The following CCDC27 variants were observed in gnomAD, a reference collection of about 807,000 sequenced individuals.
The protein encoded by CCDC27 is coiled-coil domain containing 27.
Under a neutral mutation model 80.3 loss-of-function variants are expected in CCDC27, and 80 were observed. That is an observed-to-expected ratio of 1.00 (90% CI 0.83 to 1.20). CCDC27 has a LOEUF of 1.20. Among genes scored for constraint, CCDC27 ranks in the 50% most tolerant of loss-of-function variants. The pLI, the probability that CCDC27 is intolerant of heterozygous loss-of-function variation, is 0.00. For missense variants in CCDC27, 815 were observed against 809.4 expected (o/e 1.01, Z -0.08); for synonymous variants, 342 against 334.3 (o/e 1.02, Z -0.25).
intron 4 of CCDC27, among the ~76,000 whole-genome samples, chr1:3,758,033 G>A (rs1473773637): frequency 6.6e-6 from 1 of 152,120 alleles, no homozygotes; most frequent in Non-Finnish European, 1.5e-5. Flanking sequence ...GTGATTAGGG[G>A]TGTGAGCCAC....
chr1:3,763,837 G>C lies in CCDC27; in HGVS notation c.1452+1G>C. 1 of 1,613,894 alleles carries C rather than the reference G, an allele frequency of 6.2e-7. No homozygotes were observed. The highest frequency in any genetic ancestry group is 8.5e-7 in the Non-Finnish European group (1 of 1,179,912). On this transcript the variant is annotated splice_donor_variant, in intron 8 of 11. Coordinates refer to ENST00000294600, the MANE Select transcript of CCDC27 (RefSeq NM_152492.3). LOFTEE classifies it high-confidence loss of function. The surrounding 1 kb of genome is among the most constrained non-coding windows in gnomAD (Gnocchi z 7.5). Reference sequence around the variant, plus strand: ...GCAGCTACAAGCCATGACCGACAAGGTGGCCGTGCGCTCAGTACCGGCCTC... The same window carrying C: ...GCAGCTACAAGCCATGACCGACAAGCTGGCCGTGCGCTCAGTACCGGCCTC...
rs1432885458 is a variant in CCDC27 at position 3,757,887 on chromosome 1, A to C, written c.711+997A>C. On this transcript the variant is annotated intron_variant, in intron 4 of 11. Transcript: ENST00000294600. The stretch of plus-strand genomic sequence containing the variant: ...CAGTGTGCTGAGATCGCGCCACTGC[A>C]CTCCAGCCTGGGTGACAGAGTGAGA... Among the ~76,000 whole-genome samples, 22 of 147,634 alleles carry C rather than the reference A, an allele frequency of 1.5e-4. No homozygotes were observed. The Admixed American group carries it at 1.5e-3, about 10-fold the overall frequency.
At position 3,767,293 on chromosome 1, in the gene CCDC27, A is replaced by G; in HGVS notation, c.1591A>G (p.Thr531Ala). Reference sequence around the variant, plus strand: ...GGACTGTGTCATCTCAGAGTTGGACACCAAGGTCAGCCAGCTGCAGGAGCA... The same window carrying G: ...GGACTGTGTCATCTCAGAGTTGGACGCCAAGGTCAGCCAGCTGCAGGAGCA... ...KRDCVISELD[T>A]KVSQLQEQVE... Residue 531 changes from threonine to alanine, a missense_variant, in exon 10 of 12, where the codon ACC becomes GCC. Coordinates refer to ENST00000294600, the MANE Select transcript of CCDC27 (RefSeq NM_152492.3). The G allele has an allele frequency of 3.7e-6, 6 of 1,614,090 alleles. No individual in the cohort carries two copies. The highest frequency in any genetic ancestry group is 5.1e-6 in the Non-Finnish European group (6 of 1,180,032).
rs753168734 is a variant in CCDC27 at position 3,755,474 on chromosome 1, G to A, written c.460G>A (p.Asp154Asn). 6.8e-6 allele frequency: 11 copies of A among 1,614,016 alleles called. No individual in the cohort carries two copies. Among genetic ancestry groups the A allele is most frequent in the African/African-American group, 5.3e-5 (4 of 74,942 alleles). ...MSHCGSPTEADLSGEIDNSSE... is the reference protein window; with the variant it reads ...MSHCGSPTEANLSGEIDNSSE... ...CTCTACAGGTTCACCCACTGAGGCCGATTTGTCCGGAGAGATTGACAACAG... is the reference window on the plus strand; with the variant it reads ...CTCTACAGGTTCACCCACTGAGGCCAATTTGTCCGGAGAGATTGACAACAG... Residue 154 changes from aspartate (D) to asparagine (N), a missense_variant, in exon 3 of 12, where the codon GAT (aspartate) becomes AAT (asparagine). Transcript: ENST00000294600.
chr1:3,759,211 T>C (rs903528299), intron 4 of CCDC27, among the ~76,000 whole-genome samples: 1 of 144,408 alleles, frequency 6.9e-6, no homozygotes, highest in African/African-American at 2.6e-5. Context: ...TGCAAGACTT[T>C]GTCTCAAAAA....
rs934267840 is a variant in CCDC27 at position 3,768,120 on chromosome 1, G to A, written c.1743+675G>A. ...TTTTTTTTTTTTTTTTCTGAGACAG[G>A]GTCTTTCTCTGTCATCCAGTCTGGA... is the stretch of plus-strand genomic sequence containing the variant. On this transcript the variant is annotated intron_variant, in intron 10 of 11. Coordinates refer to ENST00000294600, the MANE Select transcript of CCDC27 (RefSeq NM_152492.3). The surrounding 1 kb of genome is among the most constrained non-coding windows in gnomAD (Gnocchi z 5.6). Among the ~76,000 whole-genome samples, 4 of 147,612 alleles carry A rather than the reference G, an allele frequency of 2.7e-5. No individual in the cohort carries two copies. Among genetic ancestry groups the A allele is most frequent in the Admixed American group, 2.7e-4 (4 of 14,870 alleles).
Position 3,756,863 on chromosome 1 carries a change from C to G in CCDC27, c.684C>G (p.Pro228=). 1 of 1,613,478 alleles carries G rather than the reference C, an allele frequency of 6.2e-7. No individual in the cohort carries two copies. Among genetic ancestry groups the G allele is most frequent in the Non-Finnish European group, 8.5e-7 (1 of 1,179,900 alleles). ...ASQSCLRKRM[P]WYLSVIHEKD... is the part of the protein sequence containing the mutation. ...AGAGCTGCCTGAGAAAGAGGATGCC[C>G]TGGTACCTCTCAGTCATCCACGAGA... The change falls in exon 4 of 12, where the codon CCC becomes CCG. Residue 228 remains proline, a synonymous_variant. Coordinates refer to ENST00000294600, the MANE Select transcript of CCDC27 (RefSeq NM_152492.3).
chr1:3,767,542 G>T (rs530817077), intron 10 of CCDC27, 97 bp downstream of exon 10: 56 of 1,079,048 alleles, frequency 5.2e-5, no homozygotes, highest in Non-Finnish European at 6.8e-5. Context: ...ACCGGGGTCT[G>T]TGTACGCTGG....
chr1:3,761,550 G>T lies in CCDC27; in HGVS notation c.861+120G>T, dbSNP rs927950654. The stretch of plus-strand genomic sequence containing the variant: ...CCCCAGGCCCCCTGGATCCTATCAG[G>T]TCCTCACTGGAACGTGGACCGGTTC... On this transcript the variant is annotated intron_variant, in intron 5 of 11. Transcript: ENST00000294600. This position sits in a 1 kb window ranked among gnomAD's most constrained non-coding sequence, Gnocchi z 5.0. 2 of 1,176,090 alleles carry T rather than the reference G, an allele frequency of 1.7e-6. No homozygotes were observed. Among genetic ancestry groups the T allele is most frequent in the African/African-American group, 1.6e-5 (1 of 64,136 alleles). The allele number at this position is 1,176,090 out of a possible 1,614,324, so 72.9% of individuals were successfully genotyped here. A position where few individuals can be genotyped will look rare whatever the true frequency, so the allele number is the denominator to read the frequency against.
At position 3,761,136 on chromosome 1, in the gene CCDC27, A is replaced by C; in HGVS notation, c.712-145A>C. 2 of 861,226 alleles carry C rather than the reference A, an allele frequency of 2.3e-6. No homozygotes were observed. The highest frequency in any genetic ancestry group is 3.6e-6 in the Non-Finnish European group (2 of 554,256). 53.3% of individuals were successfully genotyped at this position (861,226 alleles called of 1,614,324 possible). On this transcript the variant is annotated intron_variant, in intron 4 of 11. Coordinates refer to ENST00000294600, the MANE Select transcript of CCDC27 (RefSeq NM_152492.3). The surrounding 1 kb of genome is among the most constrained non-coding windows in gnomAD (Gnocchi z 5.0). The stretch of plus-strand genomic sequence containing the variant: ...ATGTGTAGTGCTAGCTCTTTACCGC[A>C]GTACCTATCTTGAAATCCCTGGGAC...
intron 1 of CCDC27, 61 bp downstream of exon 1, chr1:3,752,860 C>A: frequency 6.6e-7 from 1 of 1,520,734 alleles, no homozygotes; most frequent in East Asian, 2.3e-5. Context: ...CTTCTCCTCC[C>A]CAAAGGCCCA....
chr1:3,770,613 C>T (rs1207735354), intron 11 of CCDC27, among the ~76,000 whole-genome samples: 2 of 152,208 alleles, frequency 1.3e-5, no homozygotes, highest in African/African-American at 4.8e-5. Flanking sequence ...CTTTTGTTCC[C>T]AAGACCCACA....
Position 3,754,221 on chromosome 1 carries a change from C to T in CCDC27, c.422C>T (p.Ala141Val), listed in dbSNP as rs1642898105. The change falls in exon 2 of 12, where the codon GCC (alanine) becomes GTC (valine). Residue 141 changes from alanine to valine, a missense_variant. Transcript: ENST00000294600. Reference sequence around the variant, plus strand: ...GACTGCCCCCAGTTCAGCACCAGGGCCACATCCATGTCCCACTGTGGTAAG... The same window carrying T: ...GACTGCCCCCAGTTCAGCACCAGGGTCACATCCATGTCCCACTGTGGTAAG... ...HPDCPQFSTR[A>V]TSMSHCGSPT... 1 of 1,610,962 alleles carries T rather than the reference C, an allele frequency of 6.2e-7. No homozygotes were observed. The highest frequency in any genetic ancestry group is 1.3e-5 in the African/African-American group (1 of 74,644).
At position 3,754,146 on chromosome 1, in the gene CCDC27, C is replaced by T; in HGVS notation, c.347C>T (p.Thr116Ile). ...GAACCCAAGGATGCCGCCAGCCTCA[C>T]CGGCTTCATGTCCAAAATGGAACTT... ...TSEPKDAASL[T>I]GFMSKMELRR... is the part of the protein sequence containing the mutation. Residue 116 changes from threonine to isoleucine, a missense_variant, in exon 2 of 12, where the codon ACC (threonine) becomes ATC (isoleucine). Thr to Ile is a moderately conservative substitution (Grantham distance 89, BLOSUM62 -1). Transcript: ENST00000294600. 1 of 1,613,710 alleles carries T rather than the reference C, an allele frequency of 6.2e-7. No homozygotes were observed. Among genetic ancestry groups the T allele is most frequent in the South Asian group, 1.1e-5 (1 of 91,060 alleles).
Position 3,763,900 on chromosome 1 carries a change from C to A in CCDC27, c.1452+64C>A. 6.3e-7 allele frequency: 1 copy of A among 1,579,772 alleles called. No homozygotes were observed. Among genetic ancestry groups the A allele is most frequent in the East Asian group, 2.3e-5 (1 of 44,126 alleles). On this transcript the variant is annotated intron_variant, in intron 8 of 11. Coordinates refer to ENST00000294600, the MANE Select transcript of CCDC27 (RefSeq NM_152492.3). This position sits in a 1 kb window ranked among gnomAD's most constrained non-coding sequence, Gnocchi z 7.5. ...ATGGGCCCCAGGCTTCATTAACCCC[C>A]GGCAGCTCGGGGCAGGCGCTGCCCG...
In CCDC27 at chr1:3,756,765, G is replaced by A. The variant is rs150537276; in HGVS notation, c.586G>A (p.Glu196Lys). The A allele has an allele frequency of 2.0e-5, 33 of 1,614,076 alleles. No homozygotes were observed. Among genetic ancestry groups the A allele is most frequent in the Admixed American group, 3.3e-5 (2 of 60,020 alleles). Reference sequence around the variant, plus strand: ...CCTTCCCTTCAGTAAGAGCATCTGCGAGTTCGATTACTTGCGGAAGAGGAG... The same window carrying A: ...CCTTCCCTTCAGTAAGAGCATCTGCAAGTTCGATTACTTGCGGAAGAGGAG... ...YLLPFSKSIC[E>K]FDYLRKRRKS... The change falls in exon 4 of 12, where the codon GAG becomes AAG. Residue 196 changes from glutamate to lysine, a missense_variant. Physicochemically the swap from Glu to Lys is moderately conservative, Grantham distance 56 (BLOSUM62 1). Coordinates refer to ENST00000294600, the MANE Select transcript of CCDC27 (RefSeq NM_152492.3).
chr1:3,767,412 C>T lies in CCDC27; in HGVS notation c.1710C>T (p.His570=), dbSNP rs777317957. The part of the protein sequence containing the change: ...KKEMIQQAEQ[H]TRVALESSQS... ...AGATGATTCAGCAGGCAGAGCAGCACACCCGCGTGGCCCTGGAGAGCTCCC... is the reference window on the plus strand; with the variant it reads ...AGATGATTCAGCAGGCAGAGCAGCATACCCGCGTGGCCCTGGAGAGCTCCC... Residue 570 remains histidine, a synonymous_variant, in exon 10 of 12, where the codon CAC becomes CAT. Coordinates refer to ENST00000294600, the MANE Select transcript of CCDC27 (RefSeq NM_152492.3). The T allele has an allele frequency of 6.6e-5, 106 of 1,613,286 alleles. No homozygotes were observed. The highest frequency in any genetic ancestry group is 8.8e-5 in the Non-Finnish European group (104 of 1,180,016).
In CCDC27 at chr1:3,766,873, G is replaced by C. The variant is rs915906711; in HGVS notation, c.1530+261G>C. Among the ~76,000 whole-genome samples the C allele has an allele frequency of 5.6e-5, 7 of 125,912 alleles. No homozygotes were observed. The highest frequency in any genetic ancestry group is 9.4e-5 in the Non-Finnish European group (6 of 64,146). The allele number at this position is 125,912 out of a possible 152,430, so 82.6% of individuals were successfully genotyped here. On this transcript the variant is annotated intron_variant, in intron 9 of 11. Transcript: ENST00000294600. This position sits in a 1 kb window ranked among gnomAD's most constrained non-coding sequence, Gnocchi z 6.1. ...TTTTTTTTTTTTGAGACAGAGTCCTGCTCCGTCACCAGGCTGGAGTGCAGT... is the reference window on the plus strand; with the variant it reads ...TTTTTTTTTTTTGAGACAGAGTCCTCCTCCGTCACCAGGCTGGAGTGCAGT...
rs1643068367 is a variant in CCDC27 at position 3,760,887 on chromosome 1, A to AG, written c.712-391dup. The stretch of plus-strand genomic sequence containing the variant: ...TTGAGGAGCTCCCCGACAGGCCCCT[A>AG]GGGAAGCTTGGAGGGTGTTGCCGGT... On this transcript the variant is annotated intron_variant, in intron 4 of 11. Transcript: ENST00000294600. The surrounding 1 kb of genome is among the most constrained non-coding windows in gnomAD (Gnocchi z 4.3). 6.6e-6 allele frequency among the ~76,000 whole-genome samples: 1 copy of AG among 152,188 alleles called. No individual in the cohort carries two copies. Among genetic ancestry groups the AG allele is most frequent in the African/African-American group, 2.4e-5 (1 of 41,452 alleles).
Sources: allele counts gnomAD v4.1 joint callset (sites outside exome capture counted in the v4.1 genomes callset), GRCh38; gene constraint gnomAD v4.1.1; non-coding constraint Gnocchi (gnomAD v3.1); transcripts MANE v1.5; gene names NCBI Gene and HGNC (gene_info 2026-07-23, HGNC 2026-07-21).